MBD5: variants seen among roughly 807,000 people sequenced by gnomAD.
MBD5 encodes the protein methyl-CpG-binding domain protein 5.
A neutral mutation model predicts 117.3 loss-of-function variants in MBD5; 13 were observed. The ratio of observed to expected loss-of-function variants is 0.11; its 90% CI spans 0.07 to 0.18. The LOEUF is 0.18. Ranked by LOEUF, MBD5 falls within the 10% of genes least tolerant of loss-of-function variation. The pLI is 1.00. For missense variants in MBD5, 1,879 were observed against 2,093.8 expected (o/e 0.90, Z 2.00); for synonymous variants, 727 against 766.4 (o/e 0.95, Z 0.85).
At chr2:148,488,571 AGAAAG>A (rs907722796) in intron 10 of MBD5, among the ~76,000 whole-genome samples, 3 of 149,136 alleles carry the variant, frequency 2.0e-5, no homozygotes, top group African/African-American at 7.4e-5. Context: ...AAGGATGTAA[AGAAAG>A]AGAGAGATCA....
rs1703729128 is a variant in MBD5 at position 148,367,291 on chromosome 2, T to C, written c.-557+24955T>C. The stretch of plus-strand genomic sequence containing the variant: ...CTAGCCATATGCAGAAAACAGAAAC[T>C]GGACCCCTTCCTTACACCTTATACA... On this transcript the variant is annotated intron_variant, in intron 4 of 13. Transcript: ENST00000642680. Among the ~76,000 whole-genome samples, 3 of 152,136 alleles carry C rather than the reference T, an allele frequency of 2.0e-5. 1 individual carries two copies. Among genetic ancestry groups the C allele is most frequent in the Non-Finnish European group, 4.4e-5 (3 of 68,034 alleles).
At chr2:148,411,347 C>T (rs750977285) in intron 4 of MBD5, among the ~76,000 whole-genome samples, 13 of 151,942 alleles carry the variant, frequency 8.6e-5, no homozygotes, top group Non-Finnish European at 1.9e-4. Flanking sequence ...ATTTATATTC[C>T]TTTGGATATG....
chr2:148,283,845 C>CTAT (rs1701306818), intron 3 of MBD5, among the ~76,000 whole-genome samples: 1 of 152,136 alleles, frequency 6.6e-6, no homozygotes, highest in Non-Finnish European at 1.5e-5. Context: ...TGCTTTATAA[C>CTAT]CCCTTTCTTT....
chr2:148,183,195 T>TGATATATA (rs1698570022), intron 2 of MBD5, among the ~76,000 whole-genome samples: 5 of 152,116 alleles, frequency 3.3e-5, no homozygotes, highest in Admixed American at 3.3e-4. Flanking sequence ...TCTGATGTCC[T>TGATATATA]CTACATTTGA....
chr2:148,222,656 A>ATG (rs1354325993), intron 2 of MBD5, among the ~76,000 whole-genome samples: 8 of 151,344 alleles, frequency 5.3e-5, no homozygotes, highest in Admixed American at 4.6e-4. Flanking sequence ...AGTTGTGTGT[A>ATG]TGTGTGTGTG....
intron 1 of MBD5, among the ~76,000 whole-genome samples, chr2:148,151,093 C>T (rs1697648278): frequency 1.4e-5 from 2 of 147,658 alleles, no homozygotes; most frequent in Admixed American, 6.8e-5. Flanking sequence ...ATAGATAGCT[C>T]TTATTATTTT....
intron 1 of MBD5, among the ~76,000 whole-genome samples, chr2:148,030,622 C>T (rs139926960): frequency 8.6e-4 from 131 of 152,118 alleles, no homozygotes; most frequent in African/African-American, 2.7e-3. Context: ...GCTTTGTATA[C>T]GGAAAGTATA....
chr2:148,306,889 T>C (rs957774987), intron 3 of MBD5, among the ~76,000 whole-genome samples: 29 of 152,190 alleles, frequency 1.9e-4, no homozygotes, highest in Non-Finnish European at 2.6e-4. Context: ...TTCTGGAATA[T>C]TTATATCAAT....
Position 148,021,457 on chromosome 2 carries a change from C to CTGCTGTTGCTGCTGCTGCTGCTGT in MBD5, c.-1146_-1123dup. ...TCTTAGCAACACAGACCCTTTGCTG[C>CTGCTGTTGCTGCTGCTGCTGCTGT]TGCTGTTGCTGCTGCTGCTGCTGTT... On this transcript the variant is annotated 5_prime_UTR_variant, in exon 1 of 14. Transcript: ENST00000642680. 1.7e-6 allele frequency: 1 copy of CTGCTGTTGCTGCTGCTGCTGCTGT among 576,308 alleles called. No individual in the cohort carries two copies. The highest frequency in any genetic ancestry group is 3.3e-6 in the Non-Finnish European group (1 of 299,288). The allele number at this position is 576,308 out of a possible 1,614,324, so 35.7% of individuals were successfully genotyped here. A position where few individuals can be genotyped will look rare whatever the true frequency, so the allele number is the denominator to read the frequency against.
At chr2:148,081,330 TAATGGTATTTGTTGAATG>T (rs1695641982) in intron 1 of MBD5, among the ~76,000 whole-genome samples, 1 of 152,192 alleles carries the variant, frequency 6.6e-6, no homozygotes, top group African/African-American at 2.4e-5. Context: ...AGTAGGAGCT[TAATGGTATTTGTTGAATG>T]AATGAATAAA....
intron 8 of MBD5, among the ~76,000 whole-genome samples, chr2:148,476,856 C>G (rs1680981783): frequency 6.6e-6 from 1 of 152,038 alleles, no homozygotes; most frequent in Non-Finnish European, 1.5e-5. Context: ...GATAAGACTT[C>G]CAATTGGAAT....
At chr2:148,478,614 A>C (rs1681047417) in intron 8 of MBD5, among the ~76,000 whole-genome samples, 1 of 152,140 alleles carries the variant, frequency 6.6e-6, no homozygotes, top group African/African-American at 2.4e-5. Flanking sequence ...TCATTTCCTC[A>C]TTGGACTAGA....
intron 1 of MBD5, among the ~76,000 whole-genome samples, chr2:148,088,678 A>C (rs1695859838): frequency 6.6e-6 from 1 of 152,222 alleles, no homozygotes; most frequent in Non-Finnish European, 1.5e-5. Flanking sequence ...TTTCACTACC[A>C]AGTGAACACT....
intron 8 of MBD5, among the ~76,000 whole-genome samples, chr2:148,479,895 T>C (rs902606775): frequency 6.6e-5 from 10 of 152,044 alleles, no homozygotes; most frequent in African/African-American, 2.4e-4. Flanking sequence ...TGCCTTATAG[T>C]TATACTAGCA....
rs1180969702 is a variant in MBD5 at position 148,264,415 on chromosome 2, A to G, written c.-680+31020A>G. 13 of 152,198 alleles carry G rather than the reference A, an allele frequency of 8.5e-5. 1 individual carries two copies. The highest frequency in any genetic ancestry group is 7.9e-4 in the Admixed American group (12 of 15,274). 9.4% of individuals were successfully genotyped at this position (152,198 alleles called of 1,614,324 possible). On this transcript the variant is annotated intron_variant, in intron 3 of 13. Coordinates refer to ENST00000642680, the MANE Select transcript of MBD5 (RefSeq NM_001378120.1). ...TGTCTAAGGTCACACACAACTAGCA[A>G]TTATAGTAGCTGGTATTCAAACCTG...
chr2:148,268,150 C>T (rs1295890300), intron 3 of MBD5, among the ~76,000 whole-genome samples: 1 of 151,850 alleles, frequency 6.6e-6, no homozygotes, highest in Non-Finnish European at 1.5e-5. Context: ...GTAGTTTCAC[C>T]ATATTGCCCA....
intron 1 of MBD5, among the ~76,000 whole-genome samples, chr2:148,075,264 CT>C (rs1331417869): frequency 1.3e-5 from 2 of 152,108 alleles, no homozygotes; most frequent in African/African-American, 4.8e-5. Context: ...AGTTTTATTT[CT>C]TTGTTTTTTG....
chr2:148,397,846 C>A (rs1197359328), intron 4 of MBD5, among the ~76,000 whole-genome samples: 1 of 150,254 alleles, frequency 6.7e-6, no homozygotes, highest in East Asian at 2.0e-4. Flanking sequence ...TGTTCCCCTT[C>A]CTGTGTCCAT....
chr2:148,254,242 C>T (rs1456656457), intron 3 of MBD5, among the ~76,000 whole-genome samples: 1 of 152,200 alleles, frequency 6.6e-6, no homozygotes, highest in Non-Finnish European at 1.5e-5. Context: ...TTATGTTCTG[C>T]TGATTGTTAG....
Sources: gnomAD v4.1 joint callset for allele counts (sites outside exome capture counted in the v4.1 genomes callset) on GRCh38, gnomAD v4.1.1 for gene constraint, MANE v1.5 for transcripts, NCBI Gene and HGNC (gene_info 2026-07-23, HGNC 2026-07-21) for gene names.